ZNF717: variants seen among roughly 807,000 people sequenced by gnomAD.
The protein encoded by ZNF717 is zinc finger protein 717, also known as krueppel-like factor X17.
A neutral mutation model predicts 13.8 loss-of-function variants in ZNF717; 9 were observed. The ratio of observed to expected loss-of-function variants is 0.65; its 90% CI spans 0.39 to 1.14. The LOEUF (loss-of-function observed/expected upper bound fraction) is 1.14, where lower values mean the gene tolerates loss of function less well. Among genes scored for constraint, ZNF717 ranks in the 50% most tolerant of loss-of-function variants. The pLI is 0.01. For missense variants in ZNF717, 1,040 were observed against 1,080.7 expected (o/e 0.96, Z 0.53); for synonymous variants, 327 against 364.1 (o/e 0.90, Z 1.16).
chr3:75,731,890 G>A (rs537194165), downstream of ZNF717, among the ~76,000 whole-genome samples: 183 of 152,372 alleles, frequency 1.2e-3, 1 homozygote, highest in East Asian at 0.034. Context: ...GGGAATTTAT[G>A]GCTTACAGGA....
chr3:75,748,913 A>T (rs1203406235), intron 2 of ZNF717, among the ~76,000 whole-genome samples: 2 of 152,030 alleles, frequency 1.3e-5, no homozygotes, highest in East Asian at 3.9e-4. Context: ...CCCTGTTTGC[A>T]GGGGTCTCTT....
chr3:75,742,339 A>AAAAAAAG lies in ZNF717; in HGVS notation c.58-604_58-603insCTTTTTT, dbSNP rs751643617. On this transcript the variant is annotated intron_variant, in intron 2 of 4. Coordinates refer to ENST00000652011, the MANE Select transcript of ZNF717 (RefSeq NM_001290208.3). Reference sequence around the variant, plus strand: ...TACCTCTCAAAAAAAAAAAAAAAAAAGAATAAAATTCTACTCCTCAAAGGA... The same window carrying AAAAAAAG: ...TACCTCTCAAAAAAAAAAAAAAAAAAAAAAAAGGAATAAAATTCTACTCCTCAAAGGA... Among the ~76,000 whole-genome samples the AAAAAAAG allele has an allele frequency of 2.5e-3, 349 of 137,288 alleles. 12 individuals are homozygous for AAAAAAAG. Among genetic ancestry groups the AAAAAAAG allele is most frequent in the African/African-American group, 4.1e-3 (148 of 36,208 alleles). The allele number at this position is 137,288 out of a possible 152,430, so 90.1% of individuals were successfully genotyped here.
chr3:75,756,684 GT>G (rs1008221594), intron 2 of ZNF717, among the ~76,000 whole-genome samples: 1 of 53,760 alleles, frequency 1.9e-5, no homozygotes, highest in Non-Finnish European at 5.5e-5. Flanking sequence ...TTTTTTTTCT[GT>G]TTTTTTGAGA....
At position 75,714,342 on chromosome 3, in the gene ZNF717, G is replaced by T. The variant is rs77288197; in HGVS notation, n.667+2077C>A. ...CACGGGCATCTTCCCAGATGCTGGC[G>T]TTACTGCTAGACCAAGGAGCCCTTG... On this transcript the variant is annotated intron_variant and non_coding_transcript_variant, in intron 5 of 5. Transcript: ENST00000491507. Among the ~76,000 whole-genome samples the T allele has an allele frequency of 7.2e-5, 11 of 151,812 alleles. No homozygotes were observed. In the South Asian group the frequency reaches 2.3e-3, roughly 32 times the overall value.
chr3:75,775,255 C>T (rs1944220979), intron 2 of ZNF717, among the ~76,000 whole-genome samples: 2 of 152,238 alleles, frequency 1.3e-5, no homozygotes, highest in South Asian at 4.1e-4. Flanking sequence ...TGAGCCACCA[C>T]ATCCACCCTA....
intron 5 of ZNF717, among the ~76,000 whole-genome samples, chr3:75,712,918 CCTA>C (rs1937970529): frequency 6.6e-6 from 1 of 150,854 alleles, no homozygotes; most frequent in African/African-American, 2.4e-5. Context: ...AAAAATTCAT[CCTA>C]CTTTTTAAGG....
intron 2 of ZNF717, among the ~76,000 whole-genome samples, chr3:75,754,798 T>G (rs1942328675): frequency 1.3e-5 from 2 of 151,706 alleles, no homozygotes; most frequent in South Asian, 4.2e-4. Context: ...GTCTGAGAAC[T>G]TCCAGTATTA....
intron 4 of ZNF717, among the ~76,000 whole-genome samples, chr3:75,740,613 T>C (rs77851475): frequency 6.6e-6 from 1 of 150,834 alleles, no homozygotes; most frequent in African/African-American, 2.4e-5. Flanking sequence ...ACGAGGATCA[T>C]TTAAGGCCAG....
intron 2 of ZNF717, among the ~76,000 whole-genome samples, chr3:75,771,476 G>A (rs1379437109): frequency 1.3e-5 from 2 of 152,232 alleles, no homozygotes; most frequent in African/African-American, 4.8e-5. Flanking sequence ...GGTGTCAGAA[G>A]TGGGATCTGC....
chr3:75,766,533 T>C (rs1006392315), intron 2 of ZNF717, among the ~76,000 whole-genome samples: 5 of 152,030 alleles, frequency 3.3e-5, no homozygotes, highest in African/African-American at 1.2e-4. Flanking sequence ...ACACAAAACC[T>C]CAAAGTACGT....
chr3:75,723,317 A>G (rs1340871475), intron 4 of ZNF717, among the ~76,000 whole-genome samples: 2 of 132,460 alleles, frequency 1.5e-5, no homozygotes, highest in Admixed American at 9.2e-5. Flanking sequence ...TGGTGCAATC[A>G]TAGCTCACTG....
Position 75,713,838 on chromosome 3 carries a change from C to T in ZNF717, n.668-2522G>A, listed in dbSNP as rs77160602. 7.3e-3 allele frequency among the ~76,000 whole-genome samples: 1,110 copies of T among 151,952 alleles called. 18 individuals carry two copies. Among genetic ancestry groups the T allele is most frequent in the East Asian group, 0.073 (371 of 5,112 alleles). Reference sequence around the variant, plus strand: ...AGTAGTGGCCCCAAAGGCCAGGCTGCGCTTTTATTGGATACAAGACAAGGG... The same window carrying T: ...AGTAGTGGCCCCAAAGGCCAGGCTGTGCTTTTATTGGATACAAGACAAGGG... On this transcript the variant is annotated intron_variant and non_coding_transcript_variant, in intron 5 of 5. Transcript: ENST00000491507.
At chr3:75,721,990 G>A (rs1938176545) in intron 4 of ZNF717, among the ~76,000 whole-genome samples, 1 of 151,804 alleles carries the variant, frequency 6.6e-6, no homozygotes, top group South Asian at 2.1e-4. Context: ...GCTCACACCT[G>A]TAATCCCAGC....
At chr3:75,728,247 T>C (rs1414329674), downstream of ZNF717, among the ~76,000 whole-genome samples, 1 of 152,260 alleles carries the variant, frequency 6.6e-6, no homozygotes, top group Non-Finnish European at 1.5e-5. Flanking sequence ...CTGTACTTTA[T>C]ATCATCTCTG....
At chr3:75,740,016 CA>C (rs1333085604) in intron 4 of ZNF717, among the ~76,000 whole-genome samples, 2 of 152,260 alleles carry the variant, frequency 1.3e-5, no homozygotes, top group African/African-American at 2.4e-5. Flanking sequence ...AAGCTCCAGT[CA>C]AAAAACCACA....
At chr3:75,730,555 A>G in exon 6 of ZNF717, 1 of 697,998 alleles carries the variant, frequency 1.4e-6, no homozygotes, top group Non-Finnish European at 2.6e-6. Context: ...CTGAGGTCCC[A>G]TACGTAGGGA....
rs71101852 is a variant in ZNF717 at position 75,764,990 on chromosome 3, G to GATATATATATAT, written c.57+18304_57+18315dup. Among the ~76,000 whole-genome samples, 192 of 102,242 alleles carry GATATATATATAT rather than the reference G, an allele frequency of 1.9e-3. 1 individual carries two copies. The highest frequency in any genetic ancestry group is 2.7e-3 in the African/African-American group (60 of 22,454). The allele number at this position is 102,242 out of a possible 152,430, so 67.1% of individuals were successfully genotyped here. On this transcript the variant is annotated intron_variant, in intron 2 of 4. Transcript: ENST00000652011. ...CCAGGAATGGACGGATAAACAAAAG[G>GATATATATATAT]ATATATATATATATATATATATATA...
chr3:75,713,629 T>C (rs1937988733), intron 5 of ZNF717, among the ~76,000 whole-genome samples: 1 of 152,158 alleles, frequency 6.6e-6, no homozygotes, highest in Non-Finnish European at 1.5e-5. Flanking sequence ...AATATAACTC[T>C]AGGCAAAAGT....
chr3:75,724,212 G>A (rs75537953), intron 4 of ZNF717, among the ~76,000 whole-genome samples: 1 of 151,960 alleles, frequency 6.6e-6, no homozygotes, highest in African/African-American at 2.4e-5. Flanking sequence ...AAATAACAGC[G>A]TGGCCAGGCA....
Sources: allele counts gnomAD v4.1 joint callset (sites outside exome capture counted in the v4.1 genomes callset), GRCh38; gene constraint gnomAD v4.1.1; transcripts MANE v1.5; gene names NCBI Gene and HGNC (gene_info 2026-07-23, HGNC 2026-07-21).